IL17RD: variants seen among roughly 807,000 people sequenced by gnomAD.
IL17RD encodes interleukin-17 receptor D.
IL17RD carries 52 observed loss-of-function variants against 80.5 expected under a neutral mutation model. The observed-to-expected ratio is 0.65, with a 90% confidence interval of 0.52 to 0.81. IL17RD has a LOEUF of 0.81. IL17RD is among the 40% of genes least tolerant of loss of function. The pLI, the probability that IL17RD is intolerant of heterozygous loss-of-function variation, is 0.00. For missense variants in IL17RD, 1,024 were observed against 955.1 expected (o/e 1.07, Z -0.95); for synonymous variants, 416 against 391.8 (o/e 1.06, Z -0.73).
At chr3:57,146,047 A>G (rs542301468) in intron 1 of IL17RD, among the ~76,000 whole-genome samples, 73 of 142,902 alleles carry the variant, frequency 5.1e-4, no homozygotes, top group African/African-American at 1.2e-3. Flanking sequence ...GCGCGCGCGC[A>G]CACACACACA....
Position 57,135,185 on chromosome 3 carries a change from C to T in IL17RD, c.127-14872G>A, listed in dbSNP as rs192634090. On this transcript the variant is annotated intron_variant, in intron 1 of 12. Coordinates refer to ENST00000296318, the MANE Select transcript of IL17RD (RefSeq NM_017563.5). ...ATGGGGAGCTGGGTCAGTGTGAGGC[C>T]AAGCTGTCAGGTGAGCAGCACTGCT... Among the ~76,000 whole-genome samples, 21 of 152,302 alleles carry T rather than the reference C, an allele frequency of 1.4e-4. No individual in the cohort carries two copies. In the East Asian group the frequency reaches 3.9e-3, roughly 28 times the overall value.
intron 1 of IL17RD, among the ~76,000 whole-genome samples, chr3:57,162,653 A>G (rs554435403): frequency 5.9e-5 from 9 of 152,210 alleles, no homozygotes; most frequent in Non-Finnish European, 1.2e-4. Context: ...TGCAAAGACA[A>G]TGGACCTTGA....
upstream of IL17RD, among the ~76,000 whole-genome samples, chr3:57,165,687 A>T (rs183902782): frequency 4.6e-5 from 7 of 152,226 alleles, no homozygotes; most frequent in East Asian, 1.3e-3. Flanking sequence ...TTTAATAAAC[A>T]CCTGCTATGT....
upstream of IL17RD, among the ~76,000 whole-genome samples, chr3:57,167,586 T>C (rs1384198448): frequency 6.6e-6 from 1 of 152,188 alleles, no homozygotes; most frequent in African/African-American, 2.4e-5. Flanking sequence ...ACATGCTTTA[T>C]AACTTATTAA....
chr3:57,116,632 C>G (rs1165411288), intron 2 of IL17RD, among the ~76,000 whole-genome samples: 2 of 152,018 alleles, frequency 1.3e-5, no homozygotes, highest in African/African-American at 2.4e-5. Context: ...TTAATAAAAC[C>G]AAATTCTACT....
chr3:57,103,513 A>G (rs1706884938), intron 8 of IL17RD, among the ~76,000 whole-genome samples: 1 of 152,204 alleles, frequency 6.6e-6, no homozygotes, highest in African/African-American at 2.4e-5. Context: ...AAGGTGTATC[A>G]GTCAAAAACC....
chr3:57,120,954 A>C (rs977606450), intron 1 of IL17RD, among the ~76,000 whole-genome samples: 2 of 152,220 alleles, frequency 1.3e-5, no homozygotes, highest in African/African-American at 2.4e-5. Context: ...ACTCAATACC[A>C]GGGCTAACAA....
upstream of IL17RD, chr3:57,165,430 C>T (rs1186194997): frequency 8.4e-6 from 5 of 596,680 alleles, no homozygotes; most frequent in Admixed American, 5.3e-5. Flanking sequence ...GGCCCCGCCC[C>T]CACCCTCAGT....
At chr3:57,148,795 G>C (rs1166030422) in intron 1 of IL17RD, among the ~76,000 whole-genome samples, 1 of 152,136 alleles carries the variant, frequency 6.6e-6, no homozygotes, top group East Asian at 1.9e-4. Context: ...ATCACACTCT[G>C]TCTAGGGAGG....
At chr3:57,109,718 A>G (rs1707051375) in intron 4 of IL17RD, 61 bp from the exon 5 acceptor site, 1 of 1,560,308 alleles carries the variant, frequency 6.4e-7, no homozygotes, top group Non-Finnish European at 8.7e-7. Flanking sequence ...CCACCTTCAT[A>G]AGGTCTTCGC....
chr3:57,116,009 G>A (rs1022537066), intron 2 of IL17RD, among the ~76,000 whole-genome samples: 1 of 152,038 alleles, frequency 6.6e-6, no homozygotes, highest in Non-Finnish European at 1.5e-5. Context: ...AATATAAAAG[G>A]CATTCATAAC....
chr3:57,106,062 A>T, intron 6 of IL17RD, 48 bp downstream of exon 6: 1 of 1,611,666 alleles, frequency 6.2e-7, no homozygotes, highest in South Asian at 1.1e-5. Flanking sequence ...TAACACCATC[A>T]TAGTGGCGAT....
At chr3:57,150,560 A>G (rs1401483502) in intron 1 of IL17RD, 1 of 152,174 alleles carries the variant, frequency 6.6e-6, no homozygotes, top group Non-Finnish European at 1.5e-5. Context: ...GGAAGTGATG[A>G]CTTAGGTAAC....
At chr3:57,118,194 C>G (rs571456545) in intron 2 of IL17RD, among the ~76,000 whole-genome samples, 1 of 152,136 alleles carries the variant, frequency 6.6e-6, no homozygotes, top group African/African-American at 2.4e-5. Flanking sequence ...TTAGCTGAAC[C>G]AAGTATCATG....
intron 1 of IL17RD, among the ~76,000 whole-genome samples, chr3:57,127,397 T>TAAATAA (rs775653084): frequency 1.6e-4 from 15 of 96,614 alleles, no homozygotes; most frequent in East Asian, 1.4e-3. Context: ...AATAAATAAA[T>TAAATAA]ATATATATAT....
intron 4 of IL17RD, among the ~76,000 whole-genome samples, 160 bp downstream of exon 4, chr3:57,110,033 G>C (rs1044558590): frequency 6.6e-6 from 1 of 151,704 alleles, no homozygotes; most frequent in Non-Finnish European, 1.5e-5. Flanking sequence ...CCCTGGGAGC[G>C]TGGAGCAGGC....
chr3:57,111,113 G>C (rs1430702449), intron 3 of IL17RD, among the ~76,000 whole-genome samples: 1 of 152,230 alleles, frequency 6.6e-6, no homozygotes, highest in Non-Finnish European at 1.5e-5. Context: ...GCTGCAGCTG[G>C]AGAGCCCCAA....
rs1443215934 is a variant in IL17RD, at chr3:57,109,450, A to G, written c.550+87T>C. On this transcript the variant is annotated intron_variant, in intron 5 of 12. Coordinates refer to ENST00000296318, the MANE Select transcript of IL17RD (RefSeq NM_017563.5). ...GTGAGCCACCGCGCCCGGCCTTGGC[A>G]CGTTCTTGAACACATTTCTGTAGAA... 2.6e-5 allele frequency: 39 copies of G among 1,478,666 alleles called. No homozygotes were observed. The East Asian group carries it at 8.6e-4, about 32-fold the overall frequency. The allele number at this position is 1,478,666 out of a possible 1,614,324, so 91.6% of individuals were successfully genotyped here. A position where few individuals can be genotyped will look rare whatever the true frequency, so the allele number is the denominator to read the frequency against.
intron 5 of IL17RD, 110 bp from the exon 6 acceptor site, chr3:57,106,264 G>A: frequency 5.3e-6 from 4 of 757,572 alleles, no homozygotes; most frequent in Non-Finnish European, 8.9e-6. Context: ...TGCTAGAAAA[G>A]GTATAAAATA....
Sources: allele counts gnomAD v4.1 joint callset (sites outside exome capture counted in the v4.1 genomes callset), GRCh38; gene constraint gnomAD v4.1.1; transcripts MANE v1.5; gene names NCBI Gene and HGNC (gene_info 2026-07-23, HGNC 2026-07-21).